MALRD1: variants seen among roughly 807,000 people sequenced by gnomAD.
MALRD1 encodes MAM and LDL-receptor class A domain-containing protein 1.
A neutral mutation model predicts 242.1 loss-of-function variants in MALRD1; 247 were observed. The observed-to-expected ratio is 1.02, with a 90% CI of 0.92 to 1.13. MALRD1 has a LOEUF of 1.13. Ranked by LOEUF, MALRD1 falls within the 50% of genes most tolerant of loss-of-function variation. The probability of loss-of-function intolerance (pLI) is 0.00; values close to 1 mark genes in which losing one functional copy is unlikely to be tolerated. For missense variants in MALRD1, 2,989 were observed against 2,533.1 expected (o/e 1.18, Z -3.86); for synonymous variants, 995 against 866.6 (o/e 1.15, Z -2.60).
At chr10:19,407,706 C>A (rs935151511) in intron 28 of MALRD1, among the ~76,000 whole-genome samples, 6 of 152,094 alleles carry the variant, frequency 3.9e-5, no homozygotes, top group African/African-American at 1.2e-4. Context: ...CCAAGGATTC[C>A]TATGGATGTG....
Position 19,498,632 on chromosome 10 carries a change from C to G in MALRD1, c.5306C>G (p.Ser1769Cys). 6.5e-7 allele frequency: 1 copy of G among 1,549,924 alleles called. No individual in the cohort carries two copies. The highest frequency in any genetic ancestry group is 8.7e-7 in the Non-Finnish European group (1 of 1,146,560). The change falls in exon 31 of 40, where the codon TCT (serine) becomes TGT (cysteine). Residue 1769 changes from serine to cysteine, a missense_variant. Physicochemically the swap from Ser to Cys is moderately radical, Grantham distance 112. Coordinates refer to ENST00000454679, the MANE Select transcript of MALRD1 (RefSeq NM_001142308.3). ...RIPAKALIPD[S>C]DHTPGSGQHF... ...CCTGCCAAAGCATTAATTCCAGACT[C>G]TGATCACACGCCAGGTAAATCTAGT...
chr10:19,277,942 AT>A (rs1233277797), intron 19 of MALRD1, among the ~76,000 whole-genome samples: 1 of 151,976 alleles, frequency 6.6e-6, no homozygotes, highest in Admixed American at 6.6e-5. Context: ...TCTAACTATT[AT>A]TTTTTTTCCA....
intron 19 of MALRD1, among the ~76,000 whole-genome samples, chr10:19,262,442 G>T (rs1489209712): frequency 1.3e-5 from 2 of 151,952 alleles, no homozygotes; most frequent in East Asian, 3.9e-4. Flanking sequence ...GATCACCTAA[G>T]GTCAGGAGTT....
At chr10:19,141,162 A>T (rs950756192) in intron 10 of MALRD1, among the ~76,000 whole-genome samples, 10 of 152,232 alleles carry the variant, frequency 6.6e-5, no homozygotes, top group African/African-American at 2.4e-4. Flanking sequence ...AACATGCCAA[A>T]CATGTCCAAA....
intron 29 of MALRD1, among the ~76,000 whole-genome samples, chr10:19,467,309 C>T (rs1242609210): frequency 1.4e-4 from 20 of 140,492 alleles, no homozygotes; most frequent in African/African-American, 2.0e-4. Context: ...GAGCCGAGAT[C>T]GCGCCACTGC....
At chr10:19,146,461 C>T (rs982335216) in intron 11 of MALRD1, 117 bp downstream of exon 11, 1 of 951,630 alleles carries the variant, frequency 1.1e-6, no homozygotes, top group Non-Finnish European at 1.4e-6. Flanking sequence ...TCTGGTTTGT[C>T]TTGCTTTAAA....
At chr10:19,389,354 A>G (rs1846234688) in intron 27 of MALRD1, 98 bp from the exon 28 acceptor site, 1 of 1,270,682 alleles carries the variant, frequency 7.9e-7, no homozygotes, top group Non-Finnish European at 1.1e-6. Flanking sequence ...AGCTCAGATC[A>G]TACGAATTGT....
At position 19,409,577 on chromosome 10, in the gene MALRD1, C is replaced by T. The variant is rs191393581; in HGVS notation, c.4845+19968C>T. 3.9e-5 allele frequency among the ~76,000 whole-genome samples: 6 copies of T among 152,166 alleles called. No homozygotes were observed. The East Asian group carries it at 1.2e-3, about 29-fold the overall frequency. On this transcript the variant is annotated intron_variant, in intron 28 of 39. Transcript: ENST00000454679. ...GAGTAACATGAAGAATATTATCAAT[C>T]CTTGTGGTAATTGAAATGTTTTGTA...
chr10:19,240,260 C>A, intron 18 of MALRD1, among the ~76,000 whole-genome samples: 1 of 151,958 alleles, frequency 6.6e-6, no homozygotes, highest in East Asian at 1.9e-4. Context: ...AATGGAATTC[C>A]TTTCTTGATG....
At chr10:19,720,609 G>A (rs761922120) in intron 38 of MALRD1, among the ~76,000 whole-genome samples, 9 of 152,014 alleles carry the variant, frequency 5.9e-5, no homozygotes, top group African/African-American at 9.7e-5. Flanking sequence ...CGAACTCTCC[G>A]TCTTGTTACC....
chr10:19,460,061 A>G (rs1835861276), intron 29 of MALRD1, among the ~76,000 whole-genome samples: 5 of 152,084 alleles, frequency 3.3e-5, no homozygotes, highest in Admixed American at 3.3e-4. Flanking sequence ...ACCATTGCAT[A>G]GAGTTTTTGT....
chr10:19,598,811 G>A (rs1452751735), intron 34 of MALRD1, among the ~76,000 whole-genome samples: 2 of 152,128 alleles, frequency 1.3e-5, no homozygotes, highest in African/African-American at 4.8e-5. Context: ...ACAGCTAAAA[G>A]ACTGTTTAGA....
chr10:19,471,862 T>A (rs1836516907), intron 29 of MALRD1, among the ~76,000 whole-genome samples: 1 of 151,898 alleles, frequency 6.6e-6, no homozygotes, highest in Admixed American at 6.6e-5. Flanking sequence ...GATCATGTCA[T>A]CTACAAACAG....
At chr10:19,223,791 A>G (rs1351410318) in intron 18 of MALRD1, among the ~76,000 whole-genome samples, 2 of 152,094 alleles carry the variant, frequency 1.3e-5, no homozygotes, top group African/African-American at 2.4e-5. Context: ...GAGTGAGAAC[A>G]TGTGGTGTTT....
At chr10:19,565,203 T>G (rs944891191) in intron 32 of MALRD1, among the ~76,000 whole-genome samples, 1 of 152,012 alleles carries the variant, frequency 6.6e-6, no homozygotes, top group African/African-American at 2.4e-5. Flanking sequence ...TTCATGACAT[T>G]GGGGAGGGAA....
chr10:19,657,093 G>C (rs1841191590), intron 36 of MALRD1, among the ~76,000 whole-genome samples: 1 of 152,066 alleles, frequency 6.6e-6, no homozygotes, highest in African/African-American at 2.4e-5. Context: ...GATCACAGCT[G>C]CTATCCTCAT....
At chr10:19,513,845 C>T (rs183937936) in intron 31 of MALRD1, among the ~76,000 whole-genome samples, 122 of 152,198 alleles carry the variant, frequency 8.0e-4, no homozygotes, top group African/African-American at 2.7e-3. Flanking sequence ...GACTTAACCA[C>T]GAGAATCTGC....
chr10:19,141,763 G>A (rs1833552152), intron 10 of MALRD1, among the ~76,000 whole-genome samples: 1 of 152,076 alleles, frequency 6.6e-6, no homozygotes, highest in Non-Finnish European at 1.5e-5. Context: ...AATATGAATT[G>A]TGTACCTTCA....
intron 7 of MALRD1, among the ~76,000 whole-genome samples, chr10:19,125,654 G>T (rs1042408482): frequency 6.7e-6 from 1 of 149,464 alleles, no homozygotes; most frequent in Non-Finnish European, 1.5e-5. Flanking sequence ...TAATTTTTAG[G>T]GTATATTCTT....
Sources: gnomAD v4.1 joint callset for allele counts (sites outside exome capture counted in the v4.1 genomes callset) on GRCh38, gnomAD v4.1.1 for gene constraint, MANE v1.5 for transcripts, NCBI Gene and HGNC (gene_info 2026-07-23, HGNC 2026-07-21) for gene names.